Variants in ZPBP observed in about 807,000 individuals in gnomAD.
The protein encoded by ZPBP is zona pellucida binding protein, also known as zona pellucida-binding protein 1.
A neutral mutation model predicts 44.8 loss-of-function variants in ZPBP; 26 were observed. The observed-to-expected ratio is 0.58, with a 90% CI of 0.43 to 0.81. The LOEUF is 0.81. Among genes scored for constraint, ZPBP ranks in the 30% least tolerant of loss-of-function variants. The pLI is 0.00. For missense variants in ZPBP, 409 were observed against 434.0 expected (o/e 0.94, Z 0.51); for synonymous variants, 174 against 153.2 (o/e 1.14, Z -1.00).
downstream of ZPBP, among the ~76,000 whole-genome samples, chr7:49,937,089 C>G (rs1024757764): frequency 6.6e-6 from 1 of 152,016 alleles, no homozygotes; most frequent in Non-Finnish European, 1.5e-5. Flanking sequence ...TTAAATATGG[C>G]TTTAAACTGT....
intron 2 of ZPBP, among the ~76,000 whole-genome samples, chr7:49,862,760 T>C (rs1366064697): frequency 6.6e-6 from 1 of 152,064 alleles, no homozygotes; most frequent in Non-Finnish European, 1.5e-5. Context: ...TGTTAATGTG[T>C]TGTATTATGT....
downstream of ZPBP, among the ~76,000 whole-genome samples, chr7:49,846,888 T>C (rs1583669164): frequency 6.6e-6 from 1 of 152,194 alleles, no homozygotes; most frequent in South Asian, 2.1e-4. Context: ...CTAAATGAGG[T>C]AAAATATTAT....
intron 2 of ZPBP, among the ~76,000 whole-genome samples, chr7:50,084,833 C>G (rs1208303668): frequency 3.3e-5 from 5 of 151,956 alleles, no homozygotes; most frequent in African/African-American, 1.2e-4. Flanking sequence ...GAATAAGGAA[C>G]TCCAAAAATT....
chr7:50,085,065 T>C (rs1009570194), intron 2 of ZPBP, among the ~76,000 whole-genome samples: 1 of 152,078 alleles, frequency 6.6e-6, no homozygotes, highest in African/African-American at 2.4e-5. Context: ...AGAAATAGTC[T>C]TTACTGAGGA....
downstream of ZPBP, among the ~76,000 whole-genome samples, chr7:49,849,149 C>A (rs1221606257): frequency 6.6e-6 from 1 of 152,122 alleles, no homozygotes; most frequent in Non-Finnish European, 1.5e-5. Context: ...CAGTTCATAC[C>A]CTACAGTCCC....
intron 2 of ZPBP, among the ~76,000 whole-genome samples, chr7:49,897,131 A>G (rs10236244): frequency 6.6e-6 from 1 of 151,808 alleles, no homozygotes; most frequent in Non-Finnish European, 1.5e-5. Flanking sequence ...TCCTGACCTC[A>G]TGATCCACCC....
chr7:49,848,927 T>A (rs557979292), downstream of ZPBP, among the ~76,000 whole-genome samples: 2 of 152,372 alleles, frequency 1.3e-5, no homozygotes, highest in Admixed American at 1.3e-4. Context: ...TTTCCTAGTC[T>A]CTGTATCTCT....
At chr7:50,038,530 G>A (rs1343575520) in intron 4 of ZPBP, among the ~76,000 whole-genome samples, 1 of 152,192 alleles carries the variant, frequency 6.6e-6, no homozygotes, top group Non-Finnish European at 1.5e-5. Context: ...TCAATCATCT[G>A]AGTGAGTATG....
chr7:50,048,757 T>C (rs186883422), intron 4 of ZPBP, among the ~76,000 whole-genome samples: 3 of 152,054 alleles, frequency 2.0e-5, no homozygotes, highest in African/African-American at 7.2e-5. Context: ...GCCTAATCTT[T>C]TATCTTCGGA....
intron 3 of ZPBP, among the ~76,000 whole-genome samples, chr7:50,066,681 G>A (rs993927688): frequency 1.3e-5 from 2 of 152,210 alleles, no homozygotes; most frequent in African/African-American, 4.8e-5. Context: ...CTTATACATT[G>A]TATTCACATT....
chr7:49,845,714 A>G (rs1400895185), downstream of ZPBP, among the ~76,000 whole-genome samples: 1 of 152,254 alleles, frequency 6.6e-6, no homozygotes, highest in Non-Finnish European at 1.5e-5. Context: ...TGACATTGTA[A>G]CAAAATTAAA....
At chr7:50,022,171 C>A (rs1239846205) in intron 5 of ZPBP, among the ~76,000 whole-genome samples, 1 of 151,924 alleles carries the variant, frequency 6.6e-6, no homozygotes, top group Non-Finnish European at 1.5e-5. Flanking sequence ...TAACTTGTTA[C>A]TACAAACAAA....
intron 1 of ZPBP, among the ~76,000 whole-genome samples, chr7:49,903,363 T>C (rs1196449298): frequency 1.3e-5 from 2 of 152,206 alleles, no homozygotes; most frequent in African/African-American, 2.4e-5. Context: ...GTTAAATTAT[T>C]AAACTGTGGT....
At chr7:50,050,308 A>C (rs1800624751) in intron 4 of ZPBP, among the ~76,000 whole-genome samples, 1 of 152,118 alleles carries the variant, frequency 6.6e-6, no homozygotes, top group African/African-American at 2.4e-5. Context: ...ATTCTTGAAA[A>C]CTATCTTGAA....
intron 2 of ZPBP, chr7:49,901,094 A>G (rs1413160635): frequency 6.6e-6 from 1 of 151,956 alleles, no homozygotes; most frequent in African/African-American, 2.4e-5. Context: ...ACTATTTACA[A>G]AAAACCTACA....
chr7:49,911,169 TCA>T (rs1793399564), intron 1 of ZPBP, among the ~76,000 whole-genome samples: 1 of 152,260 alleles, frequency 6.6e-6, no homozygotes, highest in East Asian at 1.9e-4. Flanking sequence ...TTAATGAAAG[TCA>T]CAGTGTTGTC....
chr7:49,998,817 G>A (rs368799331), intron 6 of ZPBP, among the ~76,000 whole-genome samples: 2 of 152,064 alleles, frequency 1.3e-5, no homozygotes, highest in Non-Finnish European at 2.9e-5. Context: ...CTCTAGAACC[G>A]CTCTTGTTAC....
At chr7:49,846,249 C>T (rs957070178), downstream of ZPBP, among the ~76,000 whole-genome samples, 3 of 152,306 alleles carry the variant, frequency 2.0e-5, no homozygotes, top group African/African-American at 7.2e-5. Flanking sequence ...TTGCTCCAAC[C>T]TGCATGTCGC....
intron 1 of ZPBP, among the ~76,000 whole-genome samples, chr7:49,906,278 C>CA (rs1793083313): frequency 6.6e-6 from 1 of 151,746 alleles, no homozygotes; most frequent in South Asian, 2.1e-4. Flanking sequence ...ATAATAAGGA[C>CA]AAAAAATTCA....
Sources: gnomAD v4.1 joint callset for allele counts (sites outside exome capture counted in the v4.1 genomes callset) on GRCh38, gnomAD v4.1.1 for gene constraint, MANE v1.5 for transcripts, NCBI Gene and HGNC (gene_info 2026-07-23, HGNC 2026-07-21) for gene names.